MAP7D3: variants seen among roughly 807,000 people sequenced by gnomAD.
The protein encoded by MAP7D3 is MAP7 domain containing 3.
Under a neutral mutation model 62.2 loss-of-function variants are expected in MAP7D3, and 45 were observed. That is an observed-to-expected ratio of 0.72 (90% CI 0.57 to 0.93). The LOEUF (loss-of-function observed/expected upper bound fraction) is 0.93, where lower values mean the gene tolerates loss of function less well. Among genes scored for constraint, MAP7D3 ranks in the 40% least tolerant of loss-of-function variants. MAP7D3 has a pLI of 0.00. For synonymous variants in MAP7D3, 288 were observed against 248.8 expected (o/e 1.16, Z -1.48); for missense variants, 711 against 683.1 (o/e 1.04, Z -0.45).
intron 14 of MAP7D3, 95 bp from the exon 15 acceptor site, chrX:136,222,581 C>T: frequency 1.5e-6 from 1 of 686,502 alleles, no homozygotes; most frequent in Non-Finnish European, 2.2e-6. Flanking sequence ...GGACTGATGG[C>T]TAATTTTTGT....
At chrX:136,254,986 C>A (rs780948144), upstream of MAP7D3, among the ~76,000 whole-genome samples, 30 of 112,119 alleles carry the variant, frequency 2.7e-4, no homozygotes, top group Non-Finnish European at 1.5e-4. Flanking sequence ...AAGGCCAATG[C>A]GAGCAGATCA....
At chrX:136,218,857 AT>A (rs1345623493) in intron 18 of MAP7D3, among the ~76,000 whole-genome samples, 14 of 105,536 alleles carry the variant, frequency 1.3e-4, no homozygotes, top group Admixed American at 3.0e-4. Context: ...TGAAAAGATC[AT>A]TTTTTTTTTT....
At chrX:136,219,732 A>G (rs1569531459) in intron 16 of MAP7D3, 61 bp from the exon 17 acceptor site, 1 of 872,781 alleles carries the variant, frequency 1.1e-6, no homozygotes. Flanking sequence ...CTGGCCTAAA[A>G]GAAGCTTTGT....
Position 136,244,655 on chromosome X carries a change from G to A in MAP7D3, c.394C>T (p.His132Tyr). The change falls in exon 4 of 19, where the codon CAC (histidine) becomes TAC (tyrosine). Residue 132 changes from histidine (H) to tyrosine (Y), a missense_variant. His to Tyr is a moderately conservative substitution (Grantham distance 83). Coordinates refer to ENST00000316077, the MANE Select transcript of MAP7D3 (RefSeq NM_024597.4). Reference protein sequence around the residue: ...QRRIAAEEKRHQKDEAQKEKF... With the variant: ...QRRIAAEEKRYQKDEAQKEKF... ...ACCTTTTGTGCTTCATCCTTCTGGT[G>A]TCTTTTTTCTTCTGCAGCTATTCTC... is the stretch of plus-strand genomic sequence containing the variant. 2 of 1,210,058 alleles carry A rather than the reference G, an allele frequency of 1.7e-6. No individual in the cohort carries two copies. Among genetic ancestry groups the A allele is most frequent in the Middle Eastern group, 4.6e-4 (2 of 4,348 alleles).
At chrX:136,250,398 G>A (rs752801123) in intron 1 of MAP7D3, among the ~76,000 whole-genome samples, 2 of 111,954 alleles carry the variant, frequency 1.8e-5, no homozygotes, top group African/African-American at 3.2e-5. Context: ...CTCAGGTAGT[G>A]GAGCAGTCTC....
chrX:136,252,334 T>C (rs1241758039), upstream of MAP7D3, among the ~76,000 whole-genome samples: 1 of 110,167 alleles, frequency 9.1e-6, no homozygotes, highest in African/African-American at 3.3e-5. Flanking sequence ...ATATTACATA[T>C]GTTAGCAATG....
upstream of MAP7D3, chrX:136,251,573 C>T: frequency 1.2e-6 from 1 of 821,425 alleles, no homozygotes; most frequent in Non-Finnish European, 1.5e-6. Context: ...CAGCGACTAC[C>T]TGGTCTAAAG....
chrX:136,228,517 G>A, intron 11 of MAP7D3, 106 bp downstream of exon 11: 1 of 825,533 alleles, frequency 1.2e-6, no homozygotes. Context: ...ACTGAAGAAA[G>A]TCAATTGTTC....
intron 4 of MAP7D3, among the ~76,000 whole-genome samples, chrX:136,243,398 G>A (rs1415278827): frequency 8.9e-6 from 1 of 111,822 alleles, no homozygotes; most frequent in Non-Finnish European, 1.9e-5. Flanking sequence ...GGCTTATTTA[G>A]GGACACTTAA....
rs1224254203 is a variant in MAP7D3, at chrX:136,218,063, AAAAAAG to A, written c.*457_*462del. ...GGGCAAGACTCCGTCTCAAAAAAAAAAAAAAGAAAAAGAAAAAGAAAAAGCATTACT... is the reference window on the plus strand; with the variant it reads ...GGGCAAGACTCCGTCTCAAAAAAAAAAAAAAGAAAAAGAAAAAGCATTACT... On this transcript the variant is annotated 3_prime_UTR_variant, in exon 19 of 19. Transcript: ENST00000316077. 1.8e-5 allele frequency: 2 copies of A among 110,582 alleles called. No individual in the cohort carries two copies. Among genetic ancestry groups the A allele is most frequent in the Non-Finnish European group, 3.8e-5 (2 of 52,856 alleles). The allele number at this position is 110,582 out of a possible 1,213,427, so 9.1% of individuals were successfully genotyped here.
chrX:136,240,908 AT>A (rs1049425175), intron 5 of MAP7D3, among the ~76,000 whole-genome samples: 1 of 112,825 alleles, frequency 8.9e-6, no homozygotes, highest in Non-Finnish European at 1.9e-5. Context: ...AAGCTTAGTC[AT>A]TATTCAGCAT....
upstream of MAP7D3, among the ~76,000 whole-genome samples, chrX:136,252,378 A>G (rs910978822): frequency 9.2e-6 from 1 of 108,877 alleles, no homozygotes; most frequent in African/African-American, 3.3e-5. Context: ...TATATAATAT[A>G]TATAATATGT....
intron 15 of MAP7D3, among the ~76,000 whole-genome samples, chrX:136,221,565 T>A (rs1463171299): frequency 8.9e-6 from 1 of 112,310 alleles, no homozygotes; most frequent in Non-Finnish European, 1.9e-5. Context: ...GACCTCGTGA[T>A]CCGCCCACCT....
At chrX:136,255,734 G>GCTCCTCTCCT (rs1299485527), upstream of MAP7D3, among the ~76,000 whole-genome samples, 1 of 110,742 alleles carries the variant, frequency 9.0e-6, no homozygotes, top group African/African-American at 3.3e-5. Context: ...AACCCAGGCG[G>GCTCCTCTCCT]CTCCTCTCCT....
Position 136,230,988 on chromosome X carries a change from G to A in MAP7D3, c.1414-22C>T, listed in dbSNP as rs775820188. 1.5e-5 allele frequency: 16 copies of A among 1,102,255 alleles called. 1 individual carries two copies. In the South Asian group the frequency reaches 3.9e-4, roughly 27 times the overall value. The allele number at this position is 1,102,255 out of a possible 1,213,427, so 90.8% of individuals were successfully genotyped here. A position where few individuals can be genotyped will look rare whatever the true frequency, so the allele number is the denominator to read the frequency against. ...ATTTCTGAACAGATAAACACAGTAT[G>A]GTAAATTACTAACAAACAATTCTTT... is the stretch of plus-strand genomic sequence containing the variant. On this transcript the variant is annotated intron_variant, in intron 8 of 18. Transcript: ENST00000316077.
intron 13 of MAP7D3, 110 bp downstream of exon 13, chrX:136,225,799 A>C: frequency 4.0e-6 from 2 of 498,027 alleles, no homozygotes; most frequent in Non-Finnish European, 3.3e-6. Context: ...TGGGAAAACC[A>C]CCAGGAACTA....
In MAP7D3 at chrX:136,222,456, CAT is replaced by C; in HGVS notation, c.2222_2223del (p.Tyr741Ter). The C allele has an allele frequency of 2.5e-6, 3 of 1,206,847 alleles. No homozygotes were observed. The highest frequency in any genetic ancestry group is 3.4e-6 in the Non-Finnish European group (3 of 891,228). ...TCTTCGTTGTCAGCCTCAGCCTCTT[CAT>C]ATATGTCATGGCTGGATGTTTCTGT... ...KVTETSSHDI[Y>X]EEAEADNEES... On this transcript the variant is annotated frameshift_variant, in exon 15 of 19. Coordinates refer to ENST00000316077, the MANE Select transcript of MAP7D3 (RefSeq NM_024597.4). LOFTEE classifies it high-confidence loss of function.
chrX:136,255,070 A>T (rs1299061053), upstream of MAP7D3, among the ~76,000 whole-genome samples: 1 of 111,627 alleles, frequency 9.0e-6, no homozygotes, highest in Non-Finnish European at 1.9e-5. Context: ...TACAAAAATT[A>T]GCTGGGCGTG....
At chrX:136,250,301 A>G (rs10218027) in intron 1 of MAP7D3, among the ~76,000 whole-genome samples, 171 of 112,391 alleles carry the variant, frequency 1.5e-3, no homozygotes, top group African/African-American at 5.3e-3. Context: ...TTCAATTAAA[A>G]TTAATAAAAT....
Sources: gnomAD v4.1 joint callset for allele counts (sites outside exome capture counted in the v4.1 genomes callset) on GRCh38, gnomAD v4.1.1 for gene constraint, MANE v1.5 for transcripts, NCBI Gene and HGNC (gene_info 2026-07-23, HGNC 2026-07-21) for gene names.